Variants in SGCZ observed in about 807,000 individuals in gnomAD.
The protein encoded by SGCZ is zeta-sarcoglycan.
Under a neutral mutation model 41.3 loss-of-function variants are expected in SGCZ, and 40 were observed. That is an observed-to-expected ratio of 0.97 (90% CI 0.75 to 1.26). The LOEUF (loss-of-function observed/expected upper bound fraction) is 1.26. Ranked by LOEUF, SGCZ falls within the 50% of genes most tolerant of loss-of-function variation. The pLI is 0.00. For missense variants in SGCZ, 552 were observed against 369.8 expected (o/e 1.49, Z -4.04); for synonymous variants, 206 against 137.5 (o/e 1.50, Z -3.49).
rs1019620854 is a variant in SGCZ, at chr8:14,934,870, T to C, written c.39+302715A>G. Among the ~76,000 whole-genome samples the C allele has an allele frequency of 2.0e-5, 3 of 151,478 alleles. No homozygotes were observed. The South Asian group carries it at 6.2e-4, about 31-fold the overall frequency. On this transcript the variant is annotated intron_variant, in intron 1 of 7. Coordinates refer to ENST00000382080, the MANE Select transcript of SGCZ (RefSeq NM_139167.4). ...GAAACAACAGCTAGACAGACAGGTT[T>C]CTCCTAAACAAGAAAAGTAAAATCC... is the stretch of plus-strand genomic sequence containing the variant.
At chr8:15,005,575 G>A (rs569960012) in intron 1 of SGCZ, among the ~76,000 whole-genome samples, 1 of 150,956 alleles carries the variant, frequency 6.6e-6, no homozygotes, top group Non-Finnish European at 1.5e-5. Context: ...AGGTTGTTCC[G>A]CCCACCTTGG....
rs3069836 is a variant in SGCZ at position 15,103,400 on chromosome 8, C to CTAAATAAATAAATAAA, written c.39+134169_39+134184dup. 3.6e-3 allele frequency among the ~76,000 whole-genome samples: 518 copies of CTAAATAAATAAATAAA among 143,346 alleles called. 6 individuals carry two copies. The highest frequency in any genetic ancestry group is 4.2e-3 in the Admixed American group (59 of 14,136). The allele number at this position is 143,346 out of a possible 152,430, so 94.0% of individuals were successfully genotyped here. A position where few individuals can be genotyped will look rare whatever the true frequency, so the allele number is the denominator to read the frequency against. ...TAGGCAACCAAGTGAGACCCTGTCTCTAAATAAATAAATAAATAAATAAAT... is the reference window on the plus strand; with the variant it reads ...TAGGCAACCAAGTGAGACCCTGTCTCTAAATAAATAAATAAATAAATAAATAAATAAATAAATAAAT... On this transcript the variant is annotated intron_variant, in intron 1 of 7. Transcript: ENST00000382080.
intron 1 of SGCZ, among the ~76,000 whole-genome samples, chr8:14,728,364 C>T (rs1415464559): frequency 2.2e-5 from 3 of 134,884 alleles, no homozygotes; most frequent in Non-Finnish European, 4.7e-5. Flanking sequence ...AAAAGTAGAA[C>T]CAAAAGAGTG....
intron 1 of SGCZ, among the ~76,000 whole-genome samples, chr8:15,206,639 G>T (rs1392717586): frequency 6.6e-6 from 1 of 152,010 alleles, no homozygotes; most frequent in African/African-American, 2.4e-5. Flanking sequence ...AGTAGAGACG[G>T]TGTTTCACCA....
chr8:14,091,791 C>T (rs1801696319), intron 7 of SGCZ, among the ~76,000 whole-genome samples: 1 of 152,146 alleles, frequency 6.6e-6, no homozygotes, highest in Admixed American at 6.6e-5. Flanking sequence ...CCTGTTCACT[C>T]TGATGATAGT....
intron 1 of SGCZ, among the ~76,000 whole-genome samples, chr8:14,686,170 T>C (rs1035955325): frequency 2.0e-5 from 3 of 152,148 alleles, no homozygotes; most frequent in Admixed American, 6.6e-5. Context: ...TGCCCTCCAA[T>C]CACTTTATTG....
At chr8:15,014,991 T>A (rs184214347) in intron 1 of SGCZ, among the ~76,000 whole-genome samples, 1 of 152,308 alleles carries the variant, frequency 6.6e-6, no homozygotes, top group Admixed American at 6.5e-5. Flanking sequence ...ATGCCTGTAA[T>A]CCCACTTTGG....
At chr8:14,424,166 T>A (rs1012303023) in intron 2 of SGCZ, among the ~76,000 whole-genome samples, 4 of 152,152 alleles carry the variant, frequency 2.6e-5, no homozygotes, top group African/African-American at 9.7e-5. Context: ...ATTACAAAGT[T>A]GAGAAAAATA....
intron 2 of SGCZ, among the ~76,000 whole-genome samples, chr8:14,461,711 A>G (rs549639559): frequency 3.2e-4 from 48 of 152,274 alleles, no homozygotes; most frequent in African/African-American, 1.2e-3. Context: ...TTCAACGCAA[A>G]GTCCTACAAA....
intron 1 of SGCZ, among the ~76,000 whole-genome samples, chr8:14,877,888 G>T (rs1033655165): frequency 5.9e-5 from 9 of 151,916 alleles, no homozygotes; most frequent in Non-Finnish European, 1.2e-4. Flanking sequence ...TTACATTTAT[G>T]CAAAAGGGTT....
intron 1 of SGCZ, among the ~76,000 whole-genome samples, chr8:14,887,520 A>C (rs1444295866): frequency 6.6e-6 from 1 of 152,204 alleles, no homozygotes; most frequent in Non-Finnish European, 1.5e-5. Flanking sequence ...AAATACTAAA[A>C]TGAAAACATT....
At chr8:14,744,357 A>T (rs1799283777) in intron 1 of SGCZ, among the ~76,000 whole-genome samples, 2 of 152,142 alleles carry the variant, frequency 1.3e-5, no homozygotes, top group Non-Finnish European at 2.9e-5. Flanking sequence ...TATAGGCCAG[A>T]ACACATTCCA....
chr8:15,044,766 G>C (rs1804241205), intron 1 of SGCZ, among the ~76,000 whole-genome samples: 1 of 152,076 alleles, frequency 6.6e-6, no homozygotes, highest in African/African-American at 2.4e-5. Context: ...GCCTGGTGAG[G>C]GGTGGGTAGG....
rs1489789778 is a variant in SGCZ at position 14,089,262 on chromosome 8, TC to T, written c.*1180del. Among the ~76,000 whole-genome samples, 4 of 151,966 alleles carry T rather than the reference TC, an allele frequency of 2.6e-5. No homozygotes were observed. Among genetic ancestry groups the T allele is most frequent in the African/African-American group, 9.7e-5 (4 of 41,418 alleles). On this transcript the variant is annotated 3_prime_UTR_variant, in exon 8 of 8. Coordinates refer to ENST00000382080, the MANE Select transcript of SGCZ (RefSeq NM_139167.4). ...CAGCTGAATAGAAATGGGACTAAAT[TC>T]CCTAAAATATGAATGTAGTGAAGTA... is the stretch of plus-strand genomic sequence containing the variant.
At chr8:14,993,907 A>C (rs4831320) in intron 1 of SGCZ, among the ~76,000 whole-genome samples, 105,860 of 152,072 alleles carry the variant, frequency 0.7, 37,114 homozygotes, top group South Asian at 0.75. Context: ...CTTTGCTTAG[A>C]TTTTAATGGT....
chr8:14,752,723 T>C (rs1965816), intron 1 of SGCZ, among the ~76,000 whole-genome samples: 94,577 of 152,000 alleles, frequency 0.62, 29,563 homozygotes, highest in East Asian at 0.78. Flanking sequence ...GTATGGCAGT[T>C]TGGAAAGAAA....
intron 1 of SGCZ, among the ~76,000 whole-genome samples, chr8:14,675,249 T>C (rs931754406): frequency 2.0e-5 from 3 of 151,958 alleles, no homozygotes; most frequent in Non-Finnish European, 2.9e-5. Context: ...CAAACCTCTT[T>C]TCTTATAAAT....
At chr8:15,187,533 G>C (rs1224886788) in intron 1 of SGCZ, among the ~76,000 whole-genome samples, 1 of 151,946 alleles carries the variant, frequency 6.6e-6, no homozygotes, top group Admixed American at 6.6e-5. Flanking sequence ...TTTACTGCAT[G>C]AGTTAATTTA....
rs150600229 is a variant in SGCZ at position 15,199,786 on chromosome 8, T to C, written c.39+37799A>G. Among the ~76,000 whole-genome samples, 454 of 152,182 alleles carry C rather than the reference T, an allele frequency of 3.0e-3. 1 individual carries two copies. The highest frequency in any genetic ancestry group is 0.011 in the African/African-American group (441 of 41,542). ...AGAAAAATAAGCCTCAATTAAAAAA[T>C]AAATTATGGTTATGAAACCTATACT... is the stretch of plus-strand genomic sequence containing the variant. On this transcript the variant is annotated intron_variant, in intron 1 of 7. Coordinates refer to ENST00000382080, the MANE Select transcript of SGCZ (RefSeq NM_139167.4).
Sources: allele counts gnomAD v4.1 joint callset (sites outside exome capture counted in the v4.1 genomes callset), GRCh38; gene constraint gnomAD v4.1.1; transcripts MANE v1.5; gene names NCBI Gene and HGNC (gene_info 2026-07-23, HGNC 2026-07-21).